Variants in CRBN observed in about 807,000 individuals in gnomAD.
CRBN encodes the protein cereblon, also known as protein cereblon.
CRBN carries 53 observed loss-of-function variants against 62.2 expected under a neutral mutation model. The observed-to-expected ratio is 0.85, with a 90% CI of 0.68 to 1.07. The LOEUF (loss-of-function observed/expected upper bound fraction) is 1.07, where lower values mean the gene tolerates loss of function less well. Ranked by LOEUF, CRBN falls within the 50% of genes least tolerant of loss-of-function variation. The probability of loss-of-function intolerance (pLI) is 0.00; values close to 1 mark genes in which losing one functional copy is unlikely to be tolerated. For missense variants in CRBN, 616 were observed against 531.1 expected (o/e 1.16, Z -1.57); for synonymous variants, 208 against 176.1 (o/e 1.18, Z -1.43).
intron 1 of CRBN, among the ~76,000 whole-genome samples, chr3:3,177,888 T>A (rs889161399): frequency 2.0e-5 from 3 of 152,178 alleles, no homozygotes; most frequent in Non-Finnish European, 4.4e-5. Flanking sequence ...TACATGGAAT[T>A]ATGGAAAGCC....
chr3:3,167,804 GA>G lies in CRBN; in HGVS notation c.528-12del. On this transcript the variant is annotated splice_polypyrimidine_tract_variant and intron_variant, in intron 4 of 10. Coordinates refer to ENST00000231948, the MANE Select transcript of CRBN (RefSeq NM_016302.4). ...TTAGCTTGCTGGATTCTAAAATAAAGAGAACCAAGCATGGTATTCATTTCTA... is the reference window on the plus strand; with the variant it reads ...TTAGCTTGCTGGATTCTAAAATAAAGGAACCAAGCATGGTATTCATTTCTA... 1 of 1,612,708 alleles carries G rather than the reference GA, an allele frequency of 6.2e-7. No individual in the cohort carries two copies. Among genetic ancestry groups the G allele is most frequent in the Non-Finnish European group, 8.5e-7 (1 of 1,178,958 alleles).
chr3:3,167,780 T>C lies in CRBN; in HGVS notation c.541A>G (p.Lys181Glu), dbSNP rs1485033264. 2 of 1,613,400 alleles carry C rather than the reference T, an allele frequency of 1.2e-6. No individual in the cohort carries two copies. The highest frequency in any genetic ancestry group is 1.7e-6 in the Non-Finnish European group (2 of 1,179,558). The change falls in exon 5 of 11, where the codon AAA becomes GAA. Residue 181 changes from lysine (K) to glutamate (E), a missense_variant. Coordinates refer to ENST00000231948, the MANE Select transcript of CRBN (RefSeq NM_016302.4). ...RTQSDGIQQAKVQILPECVLP... is the reference protein window; with the variant it reads ...RTQSDGIQQAEVQILPECVLP... Reference sequence around the variant, plus strand: ...ACACATTCGGGAAGAATTTGCACTTTAGCTTGCTGGATTCTAAAATAAAGA... The same window carrying C: ...ACACATTCGGGAAGAATTTGCACTTCAGCTTGCTGGATTCTAAAATAAAGA...
chr3:3,154,865 C>G, intron 6 of CRBN, 34 bp from the exon 7 acceptor site: 1 of 1,200,854 alleles, frequency 8.3e-7, no homozygotes, highest in Non-Finnish European at 1.2e-6. Flanking sequence ...TAATCAAGTT[C>G]ATGGGCTTAT....
chr3:3,167,047 C>T (rs4685611), intron 5 of CRBN, among the ~76,000 whole-genome samples: 28,130 of 151,858 alleles, frequency 0.19, 2,684 homozygotes, highest in South Asian at 0.29. Flanking sequence ...ATCTCACAAA[C>T]GAGTAGAAAC....
At chr3:3,169,895 T>C (rs1249715219) in intron 4 of CRBN, among the ~76,000 whole-genome samples, 1 of 34,486 alleles carries the variant, frequency 2.9e-5, no homozygotes, top group Non-Finnish European at 2.7e-4. Flanking sequence ...CCTGTTTTTA[T>C]TAAAAAAAAA....
intron 5 of CRBN, chr3:3,167,294 T>C (rs1707387805): frequency 4.8e-6 from 1 of 209,890 alleles, no homozygotes; most frequent in Non-Finnish European, 9.7e-6. Context: ...AATCCTCCCT[T>C]CTTTAAGATA....
intron 9 of CRBN, chr3:3,153,149 T>C (rs2126052581): frequency 2.4e-6 from 1 of 409,812 alleles, no homozygotes; most frequent in South Asian, 2.3e-5. Context: ...GACAGTCTAA[T>C]ATATAGATTG....
intron 1 of CRBN, among the ~76,000 whole-genome samples, chr3:3,176,256 A>G: frequency 6.6e-6 from 1 of 152,234 alleles, no homozygotes; most frequent in East Asian, 1.9e-4. Context: ...CTGCAAAATG[A>G]TAGGCTTCAA....
intron 5 of CRBN, among the ~76,000 whole-genome samples, chr3:3,166,785 A>G (rs1280886098): frequency 6.6e-6 from 1 of 152,160 alleles, no homozygotes; most frequent in African/African-American, 2.4e-5. Flanking sequence ...TACAGTGACT[A>G]GTATATAAGT....
chr3:3,175,200 A>G lies in CRBN; in HGVS notation c.137T>C (p.Ile46Thr). 3 of 1,613,368 alleles carry G rather than the reference A, an allele frequency of 1.9e-6. No homozygotes were observed. The highest frequency in any genetic ancestry group is 2.5e-6 in the Non-Finnish European group (3 of 1,179,562). ...CGGCAGACTGGTGTCAAAATTTATG[A>G]TGTTTGGTTTTTTGGCTTCTTTACT... Reference protein sequence around the residue: ...QDSKEAKKPNIINFDTSLPTS... With the variant: ...QDSKEAKKPNTINFDTSLPTS... Residue 46 changes from isoleucine (I) to threonine (T), a missense_variant, in exon 2 of 11, where the codon ATC becomes ACC. Ile to Thr is a moderately conservative substitution (Grantham distance 89). Coordinates refer to ENST00000231948, the MANE Select transcript of CRBN (RefSeq NM_016302.4).
chr3:3,165,114 T>G (rs1394489623), intron 5 of CRBN, among the ~76,000 whole-genome samples: 1 of 152,164 alleles, frequency 6.6e-6, no homozygotes, highest in Non-Finnish European at 1.5e-5. Flanking sequence ...AAGTTAGAAG[T>G]GGAACCCACA....
intron 9 of CRBN, chr3:3,153,017 T>G (rs1240784772): frequency 2.3e-5 from 7 of 298,062 alleles, no homozygotes; most frequent in Non-Finnish European, 4.5e-5. Context: ...AAAATGATTT[T>G]CAAACACTGT....
intron 5 of CRBN, among the ~76,000 whole-genome samples, chr3:3,165,910 A>G (rs1002676576): frequency 6.6e-6 from 1 of 152,194 alleles, no homozygotes; most frequent in Non-Finnish European, 1.5e-5. Context: ...TTAGGCACTA[A>G]ATGACTTAAT....
At chr3:3,168,564 CTA>C (rs1707451965) in intron 4 of CRBN, among the ~76,000 whole-genome samples, 1 of 152,084 alleles carries the variant, frequency 6.6e-6, no homozygotes, top group South Asian at 2.1e-4. Context: ...GAATATGTAA[CTA>C]TATTCAAATG....
At position 3,152,546 on chromosome 3, in the gene CRBN, T is replaced by C. The variant is rs764206787; in HGVS notation, c.1058A>G (p.His353Arg). 11 of 1,613,952 alleles carry C rather than the reference T, an allele frequency of 6.8e-6. No homozygotes were observed. The highest frequency in any genetic ancestry group is 1.7e-5 in the Admixed American group (1 of 59,974). Residue 353 changes from histidine to arginine, a missense_variant, in exon 10 of 11, where the codon CAT (histidine) becomes CGT (arginine). Physicochemically the swap from His to Arg is conservative, Grantham distance 29. Transcript: ENST00000231948. ...CGPMAAYVNP[H>R]GYVHETLTVY... ...AGTAAGTGTCTCATGCACATATCCATGAGGATTCACATAAGCTGCCATCGG... is the reference window on the plus strand; with the variant it reads ...AGTAAGTGTCTCATGCACATATCCACGAGGATTCACATAAGCTGCCATCGG...
At chr3:3,151,183 T>C (rs1706517006) in intron 10 of CRBN, 138 bp from the exon 11 acceptor site, 2 of 886,720 alleles carry the variant, frequency 2.3e-6, no homozygotes. Context: ...ATCCATACAG[T>C]TCCCTGAAAC....
At chr3:3,164,488 G>A (rs755993089) in intron 5 of CRBN, among the ~76,000 whole-genome samples, 3 of 152,152 alleles carry the variant, frequency 2.0e-5, no homozygotes, top group Non-Finnish European at 4.4e-5. Flanking sequence ...GCTAATAGCT[G>A]GTGACTTTAA....
chr3:3,155,059 G>A (rs539805595), intron 6 of CRBN: 7 of 556,990 alleles, frequency 1.3e-5, no homozygotes, highest in South Asian at 1.0e-4. Context: ...TTAACCCAGC[G>A]GTATATGCTC....
At chr3:3,155,080 T>C (rs1309923454) in intron 6 of CRBN, 1 of 525,020 alleles carries the variant, frequency 1.9e-6, no homozygotes, top group Non-Finnish European at 3.4e-6. Flanking sequence ...CCAACTCCCT[T>C]GCAGATTGTT....
Sources: allele counts gnomAD v4.1 joint callset (sites outside exome capture counted in the v4.1 genomes callset), GRCh38; gene constraint gnomAD v4.1.1; transcripts MANE v1.5; gene names NCBI Gene and HGNC (gene_info 2026-07-23, HGNC 2026-07-21).